CDK14: variants seen among roughly 807,000 people sequenced by gnomAD.
The protein encoded by CDK14 is cyclin-dependent kinase 14.
In CDK14, 34 loss-of-function variants were observed where a neutral mutation model predicts 60.7. The observed-to-expected ratio is 0.56, with a 90% CI of 0.43 to 0.75. CDK14 has a LOEUF of 0.75. Among genes scored for constraint, CDK14 ranks in the 30% least tolerant of loss-of-function variants. The probability of loss-of-function intolerance (pLI) is 0.00; values close to 1 mark genes in which losing one functional copy is unlikely to be tolerated. For synonymous variants in CDK14, 197 were observed against 203.7 expected, an observed-to-expected ratio of 0.97 and a Z score of 0.28; for missense variants, 482 against 564.1, an observed-to-expected ratio of 0.85 and a Z score of 1.47.
At chr7:90,785,861 T>G (rs180944231) in intron 4 of CDK14, among the ~76,000 whole-genome samples, 2 of 151,510 alleles carry the variant, frequency 1.3e-5, no homozygotes, top group East Asian at 1.9e-4. Context: ...TATTTACAAA[T>G]TTAGGGCACA....
At chr7:91,081,356 A>G (rs921388660) in intron 12 of CDK14, among the ~76,000 whole-genome samples, 5 of 152,200 alleles carry the variant, frequency 3.3e-5, no homozygotes, top group Admixed American at 3.3e-4. Context: ...CTCTATTTCC[A>G]ACTAATTTGC....
intron 14 of CDK14, among the ~76,000 whole-genome samples, chr7:91,127,507 G>C (rs1431190133): frequency 6.6e-6 from 1 of 152,104 alleles, no homozygotes; most frequent in African/African-American, 2.4e-5. Flanking sequence ...GGTTAGCTAG[G>C]CTGCACATAT....
chr7:90,782,014 G>A lies in CDK14; in HGVS notation c.465-8559G>A, dbSNP rs763814166. Reference sequence around the variant, plus strand: ...TCTATAAATTACCTTGGGCAGTATGGCCATTTTCACGATATTGATTCTTCT... The same window carrying A: ...TCTATAAATTACCTTGGGCAGTATGACCATTTTCACGATATTGATTCTTCT... On this transcript the variant is annotated intron_variant, in intron 4 of 14. Coordinates refer to ENST00000380050, the MANE Select transcript of CDK14 (RefSeq NM_001287135.2). 1.6e-4 allele frequency among the ~76,000 whole-genome samples: 24 copies of A among 152,216 alleles called. No homozygotes were observed. The Middle Eastern group carries it at 0.014, about 86-fold the overall frequency.
chr7:90,657,273 A>G (rs962813876), intron 2 of CDK14, among the ~76,000 whole-genome samples: 1 of 152,208 alleles, frequency 6.6e-6, no homozygotes, highest in Non-Finnish European at 1.5e-5. Flanking sequence ...GACTTTGAAT[A>G]CAGTTTGATT....
At chr7:91,012,800 A>G (rs753714228) in intron 10 of CDK14, among the ~76,000 whole-genome samples, 7 of 152,214 alleles carry the variant, frequency 4.6e-5, no homozygotes, top group Non-Finnish European at 7.3e-5. Context: ...TATATAGTAA[A>G]TACTCCTCAA....
At chr7:90,743,633 C>T (rs898530794) in intron 3 of CDK14, among the ~76,000 whole-genome samples, 1 of 151,928 alleles carries the variant, frequency 6.6e-6, no homozygotes, top group Non-Finnish European at 1.5e-5. Flanking sequence ...TTTATTGCTA[C>T]CAACAATTGT....
At chr7:90,627,051 A>G (rs990247242) in intron 2 of CDK14, among the ~76,000 whole-genome samples, 2 of 152,182 alleles carry the variant, frequency 1.3e-5, no homozygotes, top group Non-Finnish European at 2.9e-5. Flanking sequence ...AACCCCATAT[A>G]TAAAAATATA....
chr7:91,110,243 A>G (rs1799433448), intron 12 of CDK14, among the ~76,000 whole-genome samples: 2 of 152,302 alleles, frequency 1.3e-5, no homozygotes, highest in African/African-American at 4.8e-5. Flanking sequence ...ACAAATATGT[A>G]TTAACTAAAT....
At chr7:91,041,221 A>G (rs1797082655) in intron 10 of CDK14, among the ~76,000 whole-genome samples, 1 of 151,598 alleles carries the variant, frequency 6.6e-6, no homozygotes, top group Non-Finnish European at 1.5e-5. Flanking sequence ...AAGAAATCAC[A>G]GAAAAGACTT....
chr7:90,668,389 A>G (rs1377823959), intron 2 of CDK14, among the ~76,000 whole-genome samples: 1 of 152,194 alleles, frequency 6.6e-6, no homozygotes, highest in African/African-American at 2.4e-5. Context: ...TGAGTTGTGA[A>G]AATTCTTTAT....
intron 6 of CDK14, among the ~76,000 whole-genome samples, chr7:90,878,239 T>C (rs1192897809): frequency 6.6e-6 from 1 of 152,118 alleles, no homozygotes; most frequent in Non-Finnish European, 1.5e-5. Flanking sequence ...CAGGAAGTAA[T>C]ATCAGCTGAA....
At chr7:90,706,515 T>G (rs1214279389) in intron 2 of CDK14, among the ~76,000 whole-genome samples, 1 of 152,174 alleles carries the variant, frequency 6.6e-6, no homozygotes, top group Non-Finnish European at 1.5e-5. Context: ...TTAAGCAGTT[T>G]ACATTCTAGT....
chr7:90,602,443 T>G (rs1276708755), intron 1 of CDK14, among the ~76,000 whole-genome samples: 1 of 152,222 alleles, frequency 6.6e-6, no homozygotes, highest in Non-Finnish European at 1.5e-5. Flanking sequence ...ATTACTAATG[T>G]TTTGTAAAGG....
intron 2 of CDK14, among the ~76,000 whole-genome samples, chr7:90,716,735 C>T (rs970134877): frequency 1.1e-4 from 16 of 151,940 alleles, no homozygotes; most frequent in African/African-American, 3.1e-4. Context: ...AATATGTTAC[C>T]GAAGGAGTAG....
At chr7:90,751,379 T>G (rs1803838212) in intron 4 of CDK14, among the ~76,000 whole-genome samples, 1 of 152,106 alleles carries the variant, frequency 6.6e-6, no homozygotes, top group Non-Finnish European at 1.5e-5. Context: ...TCACCATTCT[T>G]AAAATAAATC....
chr7:90,879,554 C>G (rs1791673740), intron 6 of CDK14, among the ~76,000 whole-genome samples: 1 of 151,982 alleles, frequency 6.6e-6, no homozygotes, highest in African/African-American at 2.4e-5. Context: ...TCCAAGTTCT[C>G]TCATCAAAAT....
intron 8 of CDK14, among the ~76,000 whole-genome samples, chr7:90,945,600 C>G (rs974789870): frequency 2.6e-5 from 4 of 152,116 alleles, no homozygotes; most frequent in African/African-American, 7.2e-5. Flanking sequence ...GCCAGGAGAA[C>G]AAATATACTG....
intron 2 of CDK14, among the ~76,000 whole-genome samples, chr7:90,611,359 G>C (rs17690205): frequency 0.014 from 2,201 of 152,256 alleles, 23 homozygotes; most frequent in Middle Eastern, 0.027. Flanking sequence ...CTGCCCACTA[G>C]AAGTTTCTGC....
At chr7:90,704,605 G>T (rs776003514) in intron 2 of CDK14, among the ~76,000 whole-genome samples, 91 of 152,156 alleles carry the variant, frequency 6.0e-4, no homozygotes, top group Middle Eastern at 3.4e-3. Context: ...AGATTTATTG[G>T]GTTGTGATAG....
Sources: allele counts gnomAD v4.1 joint callset (sites outside exome capture counted in the v4.1 genomes callset), GRCh38; gene constraint gnomAD v4.1.1; transcripts MANE v1.5; gene names NCBI Gene and HGNC (gene_info 2026-07-23, HGNC 2026-07-21).